Variants in APP observed in about 807,000 individuals in gnomAD.
APP encodes amyloid-beta precursor protein.
Under a neutral mutation model 101.4 loss-of-function variants are expected in APP, and 31 were observed. The ratio of observed to expected loss-of-function variants is 0.31; its 90% confidence interval spans 0.23 to 0.41. APP has a LOEUF of 0.41. Among genes scored for constraint, APP ranks in the 10% least tolerant of loss-of-function variants. The pLI is 1.00. For synonymous variants in APP, 366 were observed against 364.4 expected (o/e 1.00, Z -0.05); for missense variants, 839 against 1,003.7 (o/e 0.84, Z 2.22).
At chr21:26,169,105 C>A (rs1467155200) in intron 1 of APP, 3 of 152,224 alleles carry the variant, frequency 2.0e-5, no homozygotes, top group Non-Finnish European at 4.4e-5. Context: ...TCTGGCCCAA[C>A]TGTCATGCAA....
At chr21:26,066,177 G>A (rs2046445655) in intron 3 of APP, among the ~76,000 whole-genome samples, 1 of 152,172 alleles carries the variant, frequency 6.6e-6, no homozygotes, top group Admixed American at 6.5e-5. Context: ...TCTAGGGTGG[G>A]ACTGAGTCTG....
At chr21:26,163,228 A>G (rs1200740708) in intron 1 of APP, among the ~76,000 whole-genome samples, 1 of 136,152 alleles carries the variant, frequency 7.3e-6, no homozygotes, top group African/African-American at 2.9e-5. Flanking sequence ...TGACACAGTA[A>G]AACTCAGTCT....
intron 2 of APP, among the ~76,000 whole-genome samples, chr21:26,093,979 T>C (rs1174733834): frequency 6.6e-6 from 1 of 152,066 alleles, no homozygotes; most frequent in East Asian, 1.9e-4. Flanking sequence ...CTGGGCGTCA[T>C]GGCACACGCC....
intron 13 of APP, among the ~76,000 whole-genome samples, chr21:25,953,153 G>A (rs529689580): frequency 4.6e-5 from 7 of 152,100 alleles, no homozygotes; most frequent in East Asian, 1.9e-4. Flanking sequence ...GGCTGGTTTC[G>A]AACTCCTGGC....
At chr21:26,049,833 C>T (rs2045763903) in intron 5 of APP, among the ~76,000 whole-genome samples, 1 of 152,070 alleles carries the variant, frequency 6.6e-6, no homozygotes, top group African/African-American at 2.4e-5. Context: ...GAGGGAAGAT[C>T]ATGATCAGAG....
chr21:25,882,653 C>G (rs1252823895), intron 17 of APP, among the ~76,000 whole-genome samples: 1 of 151,816 alleles, frequency 6.6e-6, no homozygotes, highest in Non-Finnish European at 1.5e-5. Context: ...TTTGTTATAC[C>G]TCTCCCCGTT....
chr21:25,959,843 T>C (rs982698104), intron 11 of APP, among the ~76,000 whole-genome samples: 8 of 152,354 alleles, frequency 5.3e-5, no homozygotes, highest in East Asian at 1.9e-4. Context: ...TTATCTTCTA[T>C]TGAGATGGGT....
At chr21:25,977,421 T>C (rs2042263633) in intron 9 of APP, among the ~76,000 whole-genome samples, 1 of 152,190 alleles carries the variant, frequency 6.6e-6, no homozygotes, top group African/African-American at 2.4e-5. Context: ...ATTACTGTAT[T>C]ATAAGAGCCT....
At chr21:25,883,132 G>T (rs988546685) in intron 17 of APP, among the ~76,000 whole-genome samples, 4 of 152,240 alleles carry the variant, frequency 2.6e-5, no homozygotes, top group African/African-American at 9.6e-5. Context: ...GCCGGGTGCA[G>T]TGGCTCACTC....
intron 2 of APP, among the ~76,000 whole-genome samples, chr21:26,107,087 T>G (rs2062199634): frequency 6.6e-6 from 1 of 152,212 alleles, no homozygotes; most frequent in South Asian, 2.1e-4. Flanking sequence ...AGCATGTTCC[T>G]CCAGTTGACT....
chr21:26,163,107 G>A (rs980311363), intron 1 of APP, among the ~76,000 whole-genome samples: 2 of 150,340 alleles, frequency 1.3e-5, no homozygotes, highest in African/African-American at 4.9e-5. Context: ...CAGGCGTGGT[G>A]GCACATGCCT....
chr21:25,912,032 A>G (rs556432142), intron 13 of APP, 70 bp from the exon 14 acceptor site: 52 of 1,241,070 alleles, frequency 4.2e-5, no homozygotes, highest in Admixed American at 7.1e-5. Context: ...AGCAGCCACC[A>G]TTTACTTCTG....
At chr21:25,973,261 C>T (rs2042102814) in intron 11 of APP, among the ~76,000 whole-genome samples, 1 of 152,038 alleles carries the variant, frequency 6.6e-6, no homozygotes, top group Non-Finnish European at 1.5e-5. Flanking sequence ...TATCCATAAC[C>T]TCATTCAGTG....
chr21:25,994,332 T>G (rs180793521), intron 8 of APP, among the ~76,000 whole-genome samples: 22 of 150,774 alleles, frequency 1.5e-4, no homozygotes, highest in Admixed American at 1.2e-3. Flanking sequence ...TGAGAAAGGG[T>G]TTTTTTTTAA....
intron 3 of APP, among the ~76,000 whole-genome samples, chr21:26,069,723 T>C (rs994469762): frequency 2.0e-5 from 3 of 152,210 alleles, no homozygotes; most frequent in Non-Finnish European, 4.4e-5. Context: ...TGGGAGACAA[T>C]GTAATTTAAC....
intron 7 of APP, among the ~76,000 whole-genome samples, 199 bp from the exon 8 acceptor site, chr21:25,997,615 G>T (rs2043108665): frequency 6.6e-6 from 1 of 152,106 alleles, no homozygotes; most frequent in Admixed American, 6.5e-5. Context: ...GAGAATGCTG[G>T]ATATTTTGTC....
At chr21:26,037,863 T>C (rs2045188623) in intron 5 of APP, among the ~76,000 whole-genome samples, 1 of 152,232 alleles carries the variant, frequency 6.6e-6, no homozygotes, top group Non-Finnish European at 1.5e-5. Context: ...GGGAAACGAA[T>C]GAATAGTATA....
intron 13 of APP, among the ~76,000 whole-genome samples, chr21:25,948,649 G>T (rs537900313): frequency 1.2e-3 from 178 of 152,188 alleles, no homozygotes; most frequent in Non-Finnish European, 1.9e-3. Flanking sequence ...TCATAAATTG[G>T]TTATTATAGC....
chr21:26,136,374 C>T lies in APP; in HGVS notation c.58-24228G>A, dbSNP rs2062917935. On this transcript the variant is annotated intron_variant, in intron 1 of 17. Transcript: ENST00000346798. ...TCTTTTAAAAAGAAACAGGCAATTT[C>T]ATGATTCTACTGTACCCTGGATCCA... is the stretch of plus-strand genomic sequence containing the variant. 2.0e-5 allele frequency among the ~76,000 whole-genome samples: 3 copies of T among 151,970 alleles called. 1 individual carries two copies. The South Asian group carries it at 6.2e-4, about 32-fold the overall frequency.
Sources: gnomAD v4.1 joint callset for allele counts (sites outside exome capture counted in the v4.1 genomes callset) on GRCh38, gnomAD v4.1.1 for gene constraint, MANE v1.5 for transcripts, NCBI Gene and HGNC (gene_info 2026-07-23, HGNC 2026-07-21) for gene names.